The following ANK3 variants were observed in gnomAD, a reference collection of about 807,000 sequenced individuals.
ANK3 encodes the protein ankyrin-3.
Under a neutral mutation model 370.9 loss-of-function variants are expected in ANK3, and 57 were observed. That is an observed-to-expected ratio of 0.15 (90% CI 0.12 to 0.19). The LOEUF is 0.19. Ranked by LOEUF, ANK3 falls within the 10% of genes least tolerant of loss-of-function variation. The pLI is 1.00. For missense variants in ANK3, 4,439 were observed against 5,302.1 expected, an observed-to-expected ratio of 0.84 and a Z score of 5.06; for synonymous variants, 1,929 against 1,946.3, an observed-to-expected ratio of 0.99 and a Z score of 0.23.
intron 1 of ANK3, among the ~76,000 whole-genome samples, chr10:60,663,489 G>A (rs1299881976): frequency 1.4e-5 from 2 of 138,724 alleles, no homozygotes; most frequent in Non-Finnish European, 3.2e-5. Context: ...CTGCTTAAGA[G>A]CACGAAGGGA....
At chr10:60,680,284 A>G (rs779114758) in intron 1 of ANK3, among the ~76,000 whole-genome samples, 3 of 152,216 alleles carry the variant, frequency 2.0e-5, no homozygotes, top group Non-Finnish European at 4.4e-5. Context: ...CTGCAGACCC[A>G]TACAGATTCA....
At chr10:60,331,108 G>T (rs1391774259) in intron 1 of ANK3, among the ~76,000 whole-genome samples, 1 of 151,452 alleles carries the variant, frequency 6.6e-6, no homozygotes, top group Non-Finnish European at 1.5e-5. Context: ...TACAAACTGG[G>T]CCTGTCAGGG....
At chr10:60,431,737 T>A (rs1255857638) in intron 2 of ANK3, among the ~76,000 whole-genome samples, 1 of 152,082 alleles carries the variant, frequency 6.6e-6, no homozygotes, top group African/African-American at 2.4e-5. Flanking sequence ...CCATGGCAAG[T>A]GTATACCTAT....
chr10:60,099,903 C>T (rs973644187), intron 28 of ANK3, among the ~76,000 whole-genome samples: 6 of 151,886 alleles, frequency 4.0e-5, no homozygotes, highest in African/African-American at 1.5e-4. Context: ...CGTGGACCTG[C>T]TTCACTGCCC....
At chr10:60,332,603 C>A (rs577645005) in intron 1 of ANK3, among the ~76,000 whole-genome samples, 6 of 152,294 alleles carry the variant, frequency 3.9e-5, no homozygotes, top group South Asian at 4.1e-4. Context: ...AAAGTGACAA[C>A]TGTCAGTATT....
At chr10:60,279,332 T>A (rs183995659) in intron 2 of ANK3, among the ~76,000 whole-genome samples, 184 bp from the exon 3 acceptor site, 44 of 152,360 alleles carry the variant, frequency 2.9e-4, no homozygotes, top group Admixed American at 5.9e-4. Context: ...TGTTCTGTTA[T>A]CATTATTTAC....
chr10:60,409,861 G>C (rs1416091204), intron 2 of ANK3, among the ~76,000 whole-genome samples: 1 of 152,146 alleles, frequency 6.6e-6, no homozygotes, highest in African/African-American at 2.4e-5. Flanking sequence ...GAGTCTACCA[G>C]TGTTCTTAGC....
At chr10:60,603,217 TC>T (rs142842734) in intron 2 of ANK3, among the ~76,000 whole-genome samples, 1 of 152,140 alleles carries the variant, frequency 6.6e-6, no homozygotes, top group East Asian at 1.9e-4. Context: ...CAGGCCTTTT[TC>T]CAACAGCCAT....
chr10:60,363,970 GTTTT>G (rs113960102), intron 1 of ANK3, among the ~76,000 whole-genome samples: 189 of 138,156 alleles, frequency 1.4e-3, no homozygotes, highest in Middle Eastern at 3.8e-3. Context: ...AAGGAGAAGT[GTTTT>G]TTTTTTTTTT....
chr10:60,537,805 T>A (rs1313959415), intron 2 of ANK3, among the ~76,000 whole-genome samples: 1 of 151,956 alleles, frequency 6.6e-6, no homozygotes, highest in African/African-American at 2.4e-5. Flanking sequence ...GGCTATAGGC[T>A]ATAACTTAAA....
intron 2 of ANK3, among the ~76,000 whole-genome samples, chr10:60,448,419 C>T (rs577184159): frequency 6.6e-6 from 1 of 152,204 alleles, no homozygotes; most frequent in Non-Finnish European, 1.5e-5. Flanking sequence ...CAGACTGGAA[C>T]ATGTGAGAAC....
intron 2 of ANK3, among the ~76,000 whole-genome samples, chr10:60,434,703 A>G (rs1363427561): frequency 1.3e-5 from 2 of 152,228 alleles, no homozygotes; most frequent in African/African-American, 4.8e-5. Flanking sequence ...TCTGCATCCC[A>G]GAGTACGACT....
chr10:60,325,587 T>C (rs138152603), intron 1 of ANK3, among the ~76,000 whole-genome samples: 42 of 152,334 alleles, frequency 2.8e-4, no homozygotes, highest in African/African-American at 9.4e-4. Context: ...ACTGATTCTC[T>C]GTTTTCCAAC....
At chr10:60,128,111 TA>T (rs1436112046) in intron 25 of ANK3, among the ~76,000 whole-genome samples, 1 of 152,220 alleles carries the variant, frequency 6.6e-6, no homozygotes, top group Non-Finnish European at 1.5e-5. Context: ...GAACACTGTC[TA>T]AATATAATCT....
At chr10:60,489,655 T>C (rs2075441617) in intron 2 of ANK3, among the ~76,000 whole-genome samples, 1 of 152,166 alleles carries the variant, frequency 6.6e-6, no homozygotes, top group African/African-American at 2.4e-5. Context: ...ATAATTCATG[T>C]ATATACAACA....
intron 2 of ANK3, among the ~76,000 whole-genome samples, chr10:60,475,529 G>A (rs1226313044): frequency 2.0e-5 from 3 of 152,116 alleles, no homozygotes; most frequent in Non-Finnish European, 4.4e-5. Context: ...CTCTAGATCT[G>A]TATTATACAC....
chr10:60,524,637 C>A (rs2076426233), intron 2 of ANK3, among the ~76,000 whole-genome samples: 1 of 152,096 alleles, frequency 6.6e-6, no homozygotes, highest in Non-Finnish European at 1.5e-5. Context: ...GTCCATTAAA[C>A]CTCTTTCTTT....
At chr10:60,495,220 A>G (rs2075623369) in intron 2 of ANK3, among the ~76,000 whole-genome samples, 1 of 152,248 alleles carries the variant, frequency 6.6e-6, no homozygotes, top group Non-Finnish European at 1.5e-5. Context: ...CTAAAATTTC[A>G]AAGTCAATAT....
At chr10:60,209,102 G>A (rs188764758) in intron 9 of ANK3, among the ~76,000 whole-genome samples, 1 of 152,192 alleles carries the variant, frequency 6.6e-6, no homozygotes, top group African/African-American at 2.4e-5. Flanking sequence ...AACAAGCTAT[G>A]AAGATGTCAG....
Sources: allele counts gnomAD v4.1 joint callset (sites outside exome capture counted in the v4.1 genomes callset), GRCh38; gene constraint gnomAD v4.1.1; transcripts MANE v1.5; gene names NCBI Gene and HGNC (gene_info 2026-07-23, HGNC 2026-07-21).